Variants in EYS observed in about 807,000 individuals in gnomAD.
The protein encoded by EYS is protein eyes shut homolog.
EYS carries 250 observed loss-of-function variants against 282.1 expected under a neutral mutation model. The observed-to-expected ratio is 0.89, with a 90% CI of 0.80 to 0.98. The LOEUF (loss-of-function observed/expected upper bound fraction) is 0.98. Ranked by LOEUF, EYS falls within the 50% of genes least tolerant of loss-of-function variation. The pLI, the probability that EYS is intolerant of heterozygous loss-of-function variation, is 0.00. For synonymous variants in EYS, 1,355 were observed against 1,282.9 expected (o/e 1.06, Z -1.20); for missense variants, 4,016 against 3,709.0 (o/e 1.08, Z -2.15).
chr6:64,249,929 C>T (rs934493027), intron 30 of EYS, among the ~76,000 whole-genome samples: 2 of 151,908 alleles, frequency 1.3e-5, no homozygotes, highest in Non-Finnish European at 2.9e-5. Context: ...CTCTCAGGTA[C>T]GAGGCAGAGT....
chr6:63,814,958 T>A (rs1771142346), intron 36 of EYS, among the ~76,000 whole-genome samples: 1 of 152,182 alleles, frequency 6.6e-6, no homozygotes, highest in African/African-American at 2.4e-5. Flanking sequence ...CACAGGATAT[T>A]CTGGAACTGA....
intron 30 of EYS, among the ~76,000 whole-genome samples, chr6:64,276,395 A>C (rs1768116165): frequency 6.6e-6 from 1 of 152,236 alleles, no homozygotes; most frequent in South Asian, 2.1e-4. Flanking sequence ...TCTGTCCATC[A>C]ATTCCAATGA....
At position 65,384,541 on chromosome 6, in the gene EYS, A is replaced by G. The variant is rs765833368; in HGVS notation, c.1185-41T>C. Reference sequence around the variant, plus strand: ...TGTAAATTAGAAAAATTATAATTTAAATGTTTTCAGAAAAGCCTATTAACA... The same window carrying G: ...TGTAAATTAGAAAAATTATAATTTAGATGTTTTCAGAAAAGCCTATTAACA... On this transcript the variant is annotated intron_variant, in intron 7 of 42. Transcript: ENST00000503581. 6.0e-6 allele frequency: 6 copies of G among 1,004,412 alleles called. No homozygotes were observed. In the South Asian group the frequency reaches 8.0e-5, roughly 13 times the overall value. The allele number at this position is 1,004,412 out of a possible 1,614,324, so 62.2% of individuals were successfully genotyped here. A position where few individuals can be genotyped will look rare whatever the true frequency, so the allele number is the denominator to read the frequency against.
In EYS at chr6:65,455,983, G is replaced by A. The variant is rs940345902; in HGVS notation, c.862+34611C>T. On this transcript the variant is annotated intron_variant, in intron 5 of 42. Coordinates refer to ENST00000503581, the MANE Select transcript of EYS (RefSeq NM_001142800.2). ...AAGGAAGGAAGGAAGGGGAAAGAAA[G>A]AAAGAGAGAGAGAAAGAAAAAGAAA... 2.1e-5 allele frequency among the ~76,000 whole-genome samples: 3 copies of A among 140,848 alleles called. No homozygotes were observed. In the East Asian group the frequency reaches 6.5e-4, roughly 31 times the overall value. 92.4% of individuals were successfully genotyped at this position (140,848 alleles called of 152,430 possible).
chr6:64,919,093 T>TAGAA (rs1768255125), intron 15 of EYS, among the ~76,000 whole-genome samples: 1 of 152,216 alleles, frequency 6.6e-6, no homozygotes, highest in African/African-American at 2.4e-5. Flanking sequence ...GAAAGAGTTC[T>TAGAA]ACTAGGCAGA....
At chr6:65,544,001 A>AGTGTGTGTGTGTGTGTGTGT (rs751872447) in intron 2 of EYS, among the ~76,000 whole-genome samples, 6 of 144,978 alleles carry the variant, frequency 4.1e-5, no homozygotes, top group Admixed American at 6.9e-5. Flanking sequence ...AAAAAGAGAA[A>AGTGTGTGTGTGTGTGTGTGT]GTGTGTGTGT....
intron 15 of EYS, among the ~76,000 whole-genome samples, chr6:64,921,201 T>G (rs940865259): frequency 6.6e-6 from 1 of 152,146 alleles, no homozygotes; most frequent in Non-Finnish European, 1.5e-5. Flanking sequence ...ACACCATTAA[T>G]TCTGAAATGT....
At chr6:65,136,470 C>T (rs1420437144) in intron 12 of EYS, among the ~76,000 whole-genome samples, 1 of 151,708 alleles carries the variant, frequency 6.6e-6, no homozygotes, top group East Asian at 1.9e-4. Flanking sequence ...CAAGGTCTAC[C>T]CTGAAAACAC....
At chr6:63,941,024 T>A (rs576454623) in intron 35 of EYS, among the ~76,000 whole-genome samples, 1 of 152,290 alleles carries the variant, frequency 6.6e-6, no homozygotes, top group Admixed American at 6.5e-5. Context: ...CACCCTTTTT[T>A]ATGGCTGTAT....
chr6:64,546,525 T>C (rs1295564150), intron 26 of EYS, among the ~76,000 whole-genome samples: 3 of 152,038 alleles, frequency 2.0e-5, no homozygotes, highest in African/African-American at 7.3e-5. Flanking sequence ...ACAAATGGGA[T>C]CTAATTAAAC....
intron 5 of EYS, among the ~76,000 whole-genome samples, chr6:65,443,648 T>C (rs536686545): frequency 0.045 from 4,643 of 103,988 alleles, 112 homozygotes; most frequent in Middle Eastern, 0.097. Flanking sequence ...CACATATATG[T>C]GTCTATACAC....
intron 9 of EYS, 48 bp downstream of exon 9, chr6:65,353,409 AT>A (rs1764359670): frequency 1.3e-6 from 2 of 1,561,500 alleles, no homozygotes; most frequent in East Asian, 2.3e-5. Context: ...TGACTAGCAA[AT>A]TTTGAAATGA....
intron 25 of EYS, among the ~76,000 whole-genome samples, chr6:64,592,793 G>T (rs192457010): frequency 1.2e-3 from 183 of 152,212 alleles, no homozygotes; most frequent in African/African-American, 4.0e-3. Context: ...AGAATATGAA[G>T]TAAAGACACA....
chr6:64,061,652 A>G (rs574265850), intron 33 of EYS, among the ~76,000 whole-genome samples: 1 of 152,360 alleles, frequency 6.6e-6, no homozygotes, highest in South Asian at 2.1e-4. Context: ...AAATAAAGCC[A>G]TATTTTACAA....
At chr6:64,952,437 AG>A (rs1221003668) in intron 14 of EYS, among the ~76,000 whole-genome samples, 2 of 152,030 alleles carry the variant, frequency 1.3e-5, no homozygotes, top group African/African-American at 4.8e-5. Flanking sequence ...CACTGAGTAT[AG>A]GACGTAGTGT....
chr6:64,902,173 A>C lies in EYS; in HGVS notation c.2786T>G (p.Ile929Ser). ...GFSGSLCEIEINECSSEPCKN... is the reference protein window; with the variant it reads ...GFSGSLCEIESNECSSEPCKN... ...GCAAGGTTCAGAGGAACATTCATTA[A>C]TTTCAATTTCACACAGAGATCCAGA... is the stretch of plus-strand genomic sequence containing the variant. Residue 929 changes from isoleucine (I) to serine (S), a missense_variant, in exon 18 of 43, where the codon ATT (isoleucine) becomes AGT (serine). Ile to Ser is a moderately radical substitution (Grantham distance 142). Transcript: ENST00000503581. 6.4e-7 allele frequency: 1 copy of C among 1,550,780 alleles called. No homozygotes were observed. The highest frequency in any genetic ancestry group is 8.7e-7 in the Non-Finnish European group (1 of 1,146,502).
chr6:64,450,591 G>A (rs1270551337), intron 26 of EYS, among the ~76,000 whole-genome samples: 1 of 152,060 alleles, frequency 6.6e-6, no homozygotes, highest in Non-Finnish European at 1.5e-5. Flanking sequence ...TTCCAAAATT[G>A]ACCACATACT....
intron 8 of EYS, among the ~76,000 whole-genome samples, chr6:65,356,164 G>T (rs575041563): frequency 1.1e-4 from 16 of 151,922 alleles, no homozygotes; most frequent in Non-Finnish European, 4.4e-5. Context: ...ATACTATTTA[G>T]CAATAACAAA....
intron 12 of EYS, among the ~76,000 whole-genome samples, chr6:65,157,380 T>C (rs2150219215): frequency 6.6e-6 from 1 of 150,988 alleles, no homozygotes. Flanking sequence ...TAGAGTTTAA[T>C]TATTTCCCAG....
Sources: gnomAD v4.1 joint callset for allele counts (sites outside exome capture counted in the v4.1 genomes callset) on GRCh38, gnomAD v4.1.1 for gene constraint, MANE v1.5 for transcripts, NCBI Gene and HGNC (gene_info 2026-07-23, HGNC 2026-07-21) for gene names.